The following CEP120 variants were observed in gnomAD, a reference collection of about 807,000 sequenced individuals.
CEP120 encodes centrosomal protein of 120 kDa.
Under a neutral mutation model 126.5 loss-of-function variants are expected in CEP120, and 113 were observed. That is an observed-to-expected ratio of 0.89 (90% CI 0.77 to 1.04). CEP120 has a LOEUF of 1.04. Among genes scored for constraint, CEP120 ranks in the 50% least tolerant of loss-of-function variants. The probability of loss-of-function intolerance (pLI) is 0.00; values close to 1 mark genes in which losing one functional copy is unlikely to be tolerated. For synonymous variants in CEP120, 400 were observed against 394.3 expected (o/e 1.01, Z -0.17); for missense variants, 1,230 against 1,155.7 (o/e 1.06, Z -0.93).
chr5:123,382,659 A>G (rs1771729257), intron 13 of CEP120, 78 bp downstream of exon 13: 2 of 1,361,486 alleles, frequency 1.5e-6, no homozygotes, highest in South Asian at 1.4e-5. Context: ...GAACATAGAG[A>G]TTAAACCTTG....
chr5:123,373,805 C>T (rs559431072), intron 16 of CEP120, among the ~76,000 whole-genome samples: 1 of 152,154 alleles, frequency 6.6e-6, no homozygotes, highest in Admixed American at 6.5e-5. Context: ...CAGCTCCATG[C>T]CTGTTTCCTT....
intron 14 of CEP120, among the ~76,000 whole-genome samples, chr5:123,380,768 A>T (rs1354493867): frequency 6.6e-6 from 1 of 152,218 alleles, no homozygotes; most frequent in African/African-American, 2.4e-5. Context: ...TAAAAATTTT[A>T]AAAATTAAAA....
chr5:123,350,908 T>A (rs1769158258), intron 18 of CEP120, among the ~76,000 whole-genome samples: 1 of 152,184 alleles, frequency 6.6e-6, no homozygotes, highest in South Asian at 2.1e-4. Flanking sequence ...TAACAGACAC[T>A]TTTGCTACTA....
chr5:123,355,992 A>G (rs1769579989), intron 18 of CEP120, among the ~76,000 whole-genome samples: 1 of 152,088 alleles, frequency 6.6e-6, no homozygotes, highest in East Asian at 1.9e-4. Flanking sequence ...AGCTTTCTAC[A>G]TATGGCTAGC....
intron 19 of CEP120, among the ~76,000 whole-genome samples, chr5:123,346,955 T>G (rs1400759744): frequency 6.6e-6 from 1 of 152,216 alleles, no homozygotes; most frequent in African/African-American, 2.4e-5. Flanking sequence ...AATACTTGTT[T>G]TTCTAATTAC....
rs181624873 is a variant in CEP120 at position 123,345,643 on chromosome 5, G to A, written c.*876C>T. On this transcript the variant is annotated 3_prime_UTR_variant, in exon 20 of 20. Coordinates refer to ENST00000306467, the MANE Select transcript of CEP120 (RefSeq NM_001375405.1). ...TAAATCCAATGAGTGAATCTCGTGC[G>A]CTTTTGAAAACGATTGATTGAAATT... The A allele has an allele frequency of 1.3e-4, 20 of 152,062 alleles. No individual in the cohort carries two copies. Among genetic ancestry groups the A allele is most frequent in the Admixed American group, 6.6e-4 (10 of 15,234 alleles). 9.4% of individuals were successfully genotyped at this position (152,062 alleles called of 1,614,324 possible). A position where few individuals can be genotyped will look rare whatever the true frequency, so the allele number is the denominator to read the frequency against.
intron 4 of CEP120, among the ~76,000 whole-genome samples, chr5:123,400,028 A>G (rs1009278091): frequency 2.6e-5 from 4 of 152,234 alleles, no homozygotes; most frequent in Non-Finnish European, 4.4e-5. Flanking sequence ...AATGCTCTCA[A>G]TGTTGGCAGG....
chr5:123,410,150 T>C (rs1773953934), intron 4 of CEP120, among the ~76,000 whole-genome samples: 1 of 151,922 alleles, frequency 6.6e-6, no homozygotes, highest in Non-Finnish European at 1.5e-5. Flanking sequence ...TCTAACAAAA[T>C]ATGTAAGATC....
intron 4 of CEP120, among the ~76,000 whole-genome samples, chr5:123,405,201 G>A (rs925583537): frequency 8.5e-5 from 13 of 152,198 alleles, no homozygotes; most frequent in Non-Finnish European, 1.0e-4. Context: ...AAGAGCCAAT[G>A]CAGTAAGTAG....
intron 1 of CEP120, among the ~76,000 whole-genome samples, chr5:123,419,603 A>T (rs919768529): frequency 2.6e-5 from 4 of 152,004 alleles, no homozygotes; most frequent in African/African-American, 4.8e-5. Context: ...AAAAATAGCC[A>T]CATGGATTCC....
At position 123,423,008 on chromosome 5, in the gene CEP120, G is replaced by A. The variant is rs912552449; in HGVS notation, c.-10C>T. 1.2e-6 allele frequency: 2 copies of A among 1,613,892 alleles called. No homozygotes were observed. ...CGGATTTGGAGACCATGGTTGCGGT[G>A]AGCGGTCCGGGGGCGAAGGCGGCTG... On this transcript the variant is annotated 5_prime_UTR_variant, in exon 1 of 20. Coordinates refer to ENST00000306467, the MANE Select transcript of CEP120 (RefSeq NM_001375405.1).
chr5:123,402,961 G>A (rs1044696899), intron 4 of CEP120, among the ~76,000 whole-genome samples: 3 of 152,308 alleles, frequency 2.0e-5, no homozygotes, highest in Non-Finnish European at 4.4e-5. Context: ...GATGTAGGAC[G>A]AAGTCCCTCA....
intron 6 of CEP120, among the ~76,000 whole-genome samples, chr5:123,392,439 A>C (rs188828926): frequency 9.3e-4 from 141 of 152,318 alleles, no homozygotes; most frequent in African/African-American, 2.0e-3. Context: ...AGCGTATACA[A>C]CACCACCCTA....
chr5:123,360,332 G>A (rs1769984183), intron 18 of CEP120, among the ~76,000 whole-genome samples: 1 of 151,820 alleles, frequency 6.6e-6, no homozygotes, highest in Non-Finnish European at 1.5e-5. Flanking sequence ...TAATCCCAAG[G>A]TCTATTACTT....
intron 19 of CEP120, among the ~76,000 whole-genome samples, chr5:123,347,685 G>A (rs761983399): frequency 4.6e-5 from 7 of 151,990 alleles, no homozygotes; most frequent in Non-Finnish European, 1.0e-4. Flanking sequence ...TCACTCTGTC[G>A]CCCAGGCTGG....
At chr5:123,363,013 A>G (rs977044161) in intron 18 of CEP120, among the ~76,000 whole-genome samples, 10 of 151,672 alleles carry the variant, frequency 6.6e-5, no homozygotes, top group Non-Finnish European at 8.9e-5. Context: ...TTCTTGTTGC[A>G]TTCCTACTGC....
In CEP120 at chr5:123,346,594, A is replaced by G; in HGVS notation, c.2886T>C (p.Asn962=). 1 of 1,613,972 alleles carries G rather than the reference A, an allele frequency of 6.2e-7. No individual in the cohort carries two copies. Among genetic ancestry groups the G allele is most frequent in the Non-Finnish European group, 8.5e-7 (1 of 1,179,958 alleles). ...RDTLMRTGVY[N]HEDRIISELD... is the part of the protein sequence containing the mutation. ...GTTCACTTATTATTCGATCCTCGTGATTATACACACCCGTTCTCATCAAAG... is the reference window on the plus strand; with the variant it reads ...GTTCACTTATTATTCGATCCTCGTGGTTATACACACCCGTTCTCATCAAAG... Residue 962 remains asparagine (N), a synonymous_variant, in exon 20 of 20, where the codon AAT becomes AAC. Transcript: ENST00000306467.
intron 4 of CEP120, among the ~76,000 whole-genome samples, chr5:123,408,266 A>G (rs1773823726): frequency 6.6e-6 from 1 of 152,188 alleles, no homozygotes. Context: ...AATAATAAAA[A>G]TTACAGCAAA....
intron 1 of CEP120, among the ~76,000 whole-genome samples, chr5:123,419,622 A>T (rs1344013406): frequency 6.6e-6 from 1 of 152,116 alleles, no homozygotes; most frequent in Non-Finnish European, 1.5e-5. Flanking sequence ...CCTTCATTCT[A>T]TTCTCAAGGA....
Sources: allele counts gnomAD v4.1 joint callset (sites outside exome capture counted in the v4.1 genomes callset), GRCh38; gene constraint gnomAD v4.1.1; transcripts MANE v1.5; gene names NCBI Gene and HGNC (gene_info 2026-07-23, HGNC 2026-07-21).